Variants in MRTFB observed in about 807,000 individuals in gnomAD.
MRTFB encodes the protein myocardin-related transcription factor B.
A neutral mutation model predicts 104.2 loss-of-function variants in MRTFB; 29 were observed. That is an observed-to-expected ratio of 0.28 (90% CI 0.21 to 0.38). The LOEUF (loss-of-function observed/expected upper bound fraction) is 0.38. Among genes scored for constraint, MRTFB ranks in the 10% least tolerant of loss-of-function variants. The pLI is 1.00. For missense variants in MRTFB, 1,270 were observed against 1,341.6 expected (o/e 0.95, Z 0.83); for synonymous variants, 535 against 519.5 (o/e 1.03, Z -0.41).
chr16:13,998,032 A>G, the MRTFB span, among the ~76,000 whole-genome samples: 5 of 152,160 alleles, frequency 3.3e-5, no homozygotes, highest in Non-Finnish European at 7.4e-5. Context: ...ACATTTGAGT[A>G]GCAGCTGTGC....
intron 2 of MRTFB, among the ~76,000 whole-genome samples, chr16:14,090,129 A>T (rs1596770031): frequency 6.6e-6 from 1 of 152,128 alleles, no homozygotes; most frequent in African/African-American, 2.4e-5. Flanking sequence ...CTCTGAAGCA[A>T]GTGGTGTTTT....
At chr16:14,190,463 A>G (rs1464523567) in intron 3 of MRTFB, among the ~76,000 whole-genome samples, 1 of 152,258 alleles carries the variant, frequency 6.6e-6, no homozygotes, top group African/African-American at 2.4e-5. Context: ...TTTAATTCAG[A>G]TAAGTGTTTT....
the MRTFB span, among the ~76,000 whole-genome samples, chr16:14,023,606 C>CATACATAT: frequency 5.9e-3 from 235 of 39,586 alleles, 1 homozygote; most frequent in African/African-American, 0.023. Flanking sequence ...CACACACACA[C>CATACATAT]ACACATACAT....
At chr16:14,167,196 A>G (rs1476424862) in intron 3 of MRTFB, among the ~76,000 whole-genome samples, 1 of 152,092 alleles carries the variant, frequency 6.6e-6, no homozygotes, top group Non-Finnish European at 1.5e-5. Flanking sequence ...TTTAATAATT[A>G]TTCTGACTGG....
At position 14,077,515 on chromosome 16, in the gene MRTFB, C is replaced by CTT. The variant is rs36114031; in HGVS notation, c.-128-1763_-128-1762dup. 9.8e-4 allele frequency among the ~76,000 whole-genome samples: 138 copies of CTT among 141,010 alleles called. 1 individual carries two copies. The highest frequency in any genetic ancestry group is 2.5e-3 in the Admixed American group (36 of 14,236). 92.5% of individuals were successfully genotyped at this position (141,010 alleles called of 152,430 possible). On this transcript the variant is annotated intron_variant, in intron 1 of 16. Transcript: ENST00000571589. ...TTTTAAAACTAGTTTCCCCTTGTTG[C>CTT]TTTTTTTTTTTTTGGCAATTCTTGC...
chr16:13,994,960 G>T, the MRTFB span, among the ~76,000 whole-genome samples: 1 of 152,104 alleles, frequency 6.6e-6, no homozygotes, highest in East Asian at 1.9e-4. Flanking sequence ...AAACCCAGAC[G>T]TGTTTGGAGA....
intron 3 of MRTFB, among the ~76,000 whole-genome samples, chr16:14,185,239 G>C (rs1226385705): frequency 6.6e-6 from 1 of 152,186 alleles, no homozygotes; most frequent in Non-Finnish European, 1.5e-5. Flanking sequence ...TGTCCTGTGA[G>C]ATGCTGAAAA....
the MRTFB span, among the ~76,000 whole-genome samples, chr16:14,022,127 C>T: frequency 6.6e-6 from 1 of 152,168 alleles, no homozygotes; most frequent in East Asian, 1.9e-4. Context: ...TACTTTTAAT[C>T]ACACCTGCAA....
intron 3 of MRTFB, among the ~76,000 whole-genome samples, chr16:14,179,916 G>A (rs78271358): frequency 0.025 from 3,865 of 152,232 alleles, 181 homozygotes; most frequent in African/African-American, 0.087. Flanking sequence ...CCGGTGAGAC[G>A]CTCAAGTGCA....
At position 14,247,506 on chromosome 16, in the gene MRTFB, A is replaced by C; in HGVS notation, c.2246A>C (p.Gln749Pro). The C allele has an allele frequency of 6.5e-7, 1 of 1,546,078 alleles. No homozygotes were observed. Among genetic ancestry groups the C allele is most frequent in the Non-Finnish European group, 8.7e-7 (1 of 1,150,812 alleles). Residue 749 changes from glutamine (Q) to proline (P), a missense_variant and splice_region_variant, in exon 12 of 17, where the codon CAG becomes CCG. Gln to Pro is a moderately conservative substitution (Grantham distance 76). This residue lies in a region of MRTFB where 1,144 missense variants were observed against 1,131.5 expected (regional missense o/e 1.01). Coordinates refer to ENST00000571589, the MANE Select transcript of MRTFB (RefSeq NM_001308142.2). ...CTCCCTGTAGGCAGCCTCAAACTCC[A>C]GGTGTGAAGTGTGTCTTCTAACTAC... ...VQLPVGSLKL[Q>P]TSPQAGMQTQ...
chr16:14,258,432 A>G (rs1037373390), intron 16 of MRTFB, among the ~76,000 whole-genome samples: 5 of 152,158 alleles, frequency 3.3e-5, no homozygotes, highest in African/African-American at 9.7e-5. Context: ...TCATCTCTAC[A>G]AAAAATTTTA....
intron 2 of MRTFB, among the ~76,000 whole-genome samples, chr16:14,094,783 C>CT (rs1422034793): frequency 6.6e-6 from 1 of 152,196 alleles, no homozygotes; most frequent in Non-Finnish European, 1.5e-5. Context: ...GAAAGCAGGG[C>CT]TGGCGCTCCG....
the MRTFB span, among the ~76,000 whole-genome samples, chr16:14,045,815 G>A: frequency 0.014 from 2,145 of 152,266 alleles, 23 homozygotes; most frequent in Middle Eastern, 0.027. Flanking sequence ...GTCAAATTGC[G>A]GTGCCTGTGC....
At chr16:14,206,375 C>G (rs2040942238) in intron 3 of MRTFB, among the ~76,000 whole-genome samples, 1 of 152,176 alleles carries the variant, frequency 6.6e-6, no homozygotes, top group East Asian at 1.9e-4. Context: ...TCTGCTGTGA[C>G]TTATACATTA....
At chr16:14,021,848 T>A in the MRTFB span, among the ~76,000 whole-genome samples, 3 of 152,228 alleles carry the variant, frequency 2.0e-5, no homozygotes, top group Non-Finnish European at 4.4e-5. Context: ...GGTTCCATAT[T>A]TTTGCAGTTG....
chr16:14,089,784 T>A (rs914975928), intron 2 of MRTFB, among the ~76,000 whole-genome samples: 1 of 152,198 alleles, frequency 6.6e-6, no homozygotes, highest in South Asian at 2.1e-4. Flanking sequence ...TTTCTCCAAG[T>A]CCTTGGCAAC....
the MRTFB span, among the ~76,000 whole-genome samples, chr16:14,019,815 A>G: frequency 7.0e-6 from 1 of 142,966 alleles, no homozygotes; most frequent in African/African-American, 2.4e-5. Flanking sequence ...AAATTCCCTC[A>G]GCTATTATAG....
the MRTFB span, among the ~76,000 whole-genome samples, chr16:14,055,465 C>A: frequency 6.6e-6 from 1 of 152,216 alleles, no homozygotes; most frequent in African/African-American, 2.4e-5. Flanking sequence ...TGTCCAGGAA[C>A]CCACATTACA....
At chr16:14,000,980 G>C in the MRTFB span, among the ~76,000 whole-genome samples, 8,011 of 152,328 alleles carry the variant, frequency 0.053, 302 homozygotes, top group African/African-American at 0.11. Flanking sequence ...CCCTTGGCCT[G>C]TGCCTGATAC....
Sources: allele counts gnomAD v4.1 joint callset (sites outside exome capture counted in the v4.1 genomes callset), GRCh38; gene constraint gnomAD v4.1.1; regional missense constraint gnomAD v4.1.1; transcripts MANE v1.5; gene names NCBI Gene and HGNC (gene_info 2026-07-23, HGNC 2026-07-21).